The following ROS1 variants were observed in gnomAD, a reference collection of about 807,000 sequenced individuals.
ROS1 encodes proto-oncogene tyrosine-protein kinase ROS.
In ROS1, 263 loss-of-function variants were observed where a neutral mutation model predicts 273.5. The ratio of observed to expected loss-of-function variants is 0.96; its 90% confidence interval spans 0.87 to 1.06. ROS1 has a LOEUF of 1.06. Ranked by LOEUF, ROS1 falls within the 50% of genes least tolerant of loss-of-function variation. The probability of loss-of-function intolerance (pLI) is 0.00; values close to 1 mark genes in which losing one functional copy is unlikely to be tolerated. For synonymous variants in ROS1, 1,008 were observed against 954.1 expected (o/e 1.06, Z -1.04); for missense variants, 2,833 against 2,751.1 (o/e 1.03, Z -0.67).
chr6:117,316,038 ATAAC>A (rs770283162), intron 39 of ROS1, among the ~76,000 whole-genome samples: 2 of 152,168 alleles, frequency 1.3e-5, no homozygotes, highest in Non-Finnish European at 2.9e-5. Context: ...AATAATAATA[ATAAC>A]TAAATAGTTC....
intron 28 of ROS1, among the ~76,000 whole-genome samples, chr6:117,343,432 T>A (rs1185185372): frequency 6.6e-6 from 1 of 152,152 alleles, no homozygotes; most frequent in East Asian, 1.9e-4. Flanking sequence ...ATTCCATCAC[T>A]AAGACAACTG....
At chr6:117,358,392 A>T (rs1779506130) in intron 24 of ROS1, among the ~76,000 whole-genome samples, 1 of 151,922 alleles carries the variant, frequency 6.6e-6, no homozygotes, top group Admixed American at 6.6e-5. Context: ...GATTTCCAAC[A>T]CCACCCAAGG....
At chr6:117,312,807 C>CTT (rs781080305) in intron 39 of ROS1, among the ~76,000 whole-genome samples, 21 of 152,248 alleles carry the variant, frequency 1.4e-4, no homozygotes, top group Non-Finnish European at 2.9e-4. Flanking sequence ...TTGTTAAACC[C>CTT]TTCAGATAGA....
chr6:117,362,221 C>T (rs1417039766), intron 22 of ROS1, among the ~76,000 whole-genome samples: 1 of 152,078 alleles, frequency 6.6e-6, no homozygotes, highest in East Asian at 1.9e-4. Context: ...TGCCTCTCTA[C>T]TTTTGCTGCC....
chr6:117,344,167 T>G lies in ROS1; in HGVS notation c.4399A>C (p.Thr1467Pro), dbSNP rs1778181537. The change falls in exon 28 of 44, where the codon ACA (threonine) becomes CCA (proline). Residue 1467 changes from threonine to proline, a missense_variant. Physicochemically the swap from Thr to Pro is conservative, Grantham distance 38. Transcript: ENST00000368507. ...GTGATGCCATACCATGTGAGGTTTG[T>G]CTTGGCCAGAGGTAATCTGATTGTG... ...SLTIRLPLAK[T>P]NLTWYGITSP... The G allele has an allele frequency of 6.2e-7, 1 of 1,614,044 alleles. No homozygotes were observed. Among genetic ancestry groups the G allele is most frequent in the Non-Finnish European group, 8.5e-7 (1 of 1,179,968 alleles).
intron 31 of ROS1, among the ~76,000 whole-genome samples, chr6:117,339,527 T>C (rs543106247): frequency 6.6e-6 from 1 of 152,274 alleles, no homozygotes; most frequent in East Asian, 1.9e-4. Context: ...GTCCTGTCAT[T>C]GTGAGATAGG....
chr6:117,396,855 A>G, intron 8 of ROS1, 60 bp downstream of exon 8: 1 of 1,207,586 alleles, frequency 8.3e-7, no homozygotes, highest in Non-Finnish European at 1.2e-6. Flanking sequence ...TATTTCTTAA[A>G]TAATTATCAT....
rs769826269 is a variant in ROS1 at position 117,356,593 on chromosome 6, T to C, written c.4126+36A>G. ...AATGCAGTTGAAGGGGCTGCTCTTA[T>C]TAACAAATATCTGTGCACATACATC... On this transcript the variant is annotated intron_variant, in intron 26 of 43. Coordinates refer to ENST00000368507, the MANE Select transcript of ROS1 (RefSeq NM_001378902.1). 3.2e-6 allele frequency: 5 copies of C among 1,574,890 alleles called. No individual in the cohort carries two copies. The East Asian group carries it at 1.1e-4, about 35-fold the overall frequency.
chr6:117,365,842 C>G (rs1197071837), intron 19 of ROS1, 101 bp from the exon 20 acceptor site: 15 of 1,036,164 alleles, frequency 1.4e-5, no homozygotes, highest in Non-Finnish European at 1.8e-5. Context: ...ATAATTAGAA[C>G]TGAAACAAAA....
chr6:117,388,237 G>A (rs970843300), intron 13 of ROS1, among the ~76,000 whole-genome samples: 2 of 152,188 alleles, frequency 1.3e-5, no homozygotes, highest in Non-Finnish European at 1.5e-5. Context: ...CTGTCCTTCA[G>A]TCAAAGCTAT....
chr6:117,357,695 A>G, intron 25 of ROS1, 109 bp downstream of exon 25: 2 of 722,530 alleles, frequency 2.8e-6, no homozygotes, highest in Non-Finnish European at 4.5e-6. Flanking sequence ...AAGAGCCCTA[A>G]GCATCTTATT....
intron 43 of ROS1, among the ~76,000 whole-genome samples, chr6:117,293,109 A>C (rs1418411320): frequency 6.6e-6 from 1 of 152,178 alleles, no homozygotes; most frequent in Non-Finnish European, 1.5e-5. Flanking sequence ...GCTTCTAAGT[A>C]GGTCTCAGCT....
rs2128537287 is a variant in ROS1, at chr6:117,301,131, A to G, written c.6558T>C (p.Asn2186=). 1 of 1,584,848 alleles carries G rather than the reference A, an allele frequency of 6.3e-7. No homozygotes were observed. The highest frequency in any genetic ancestry group is 8.5e-7 in the Non-Finnish European group (1 of 1,170,276). The change falls in exon 43 of 44, where the codon AAT becomes AAC. Residue 2186 remains asparagine (N), a synonymous_variant. Coordinates refer to ENST00000368507, the MANE Select transcript of ROS1 (RefSeq NM_001378902.1). The part of the protein sequence containing the change: ...PPRNCPDDLW[N]LMTQCWAQEP... ...CTTGAGCCCAGCACTGGGTCATTAA[A>G]TTCCACCTAAATATATGGGGAAAGA...
rs532345833 is a variant in ROS1 at position 117,333,869 on chromosome 6, C to A, written c.5230+3303G>T. Among the ~76,000 whole-genome samples the A allele has an allele frequency of 4.6e-5, 7 of 152,242 alleles. No individual in the cohort carries two copies. The East Asian group carries it at 1.3e-3, about 29-fold the overall frequency. On this transcript the variant is annotated intron_variant, in intron 32 of 43. Transcript: ENST00000368507. ...TCTAAATAATAAGAACTATTTATGACAAACCTACAGCCAATATCATATTGA... is the reference window on the plus strand; with the variant it reads ...TCTAAATAATAAGAACTATTTATGAAAAACCTACAGCCAATATCATATTGA...
intron 43 of ROS1, among the ~76,000 whole-genome samples, chr6:117,298,516 G>C (rs546556135): frequency 6.6e-6 from 1 of 152,300 alleles, no homozygotes; most frequent in African/African-American, 2.4e-5. Context: ...CTGCATGATT[G>C]TTCCTCTAAA....
rs75618235 is a variant in ROS1, at chr6:117,390,495, T to G, written c.1290-649A>C. Among the ~76,000 whole-genome samples the G allele has an allele frequency of 3.8e-3, 572 of 152,312 alleles. 15 individuals carry two copies. Among genetic ancestry groups the G allele is most frequent in the East Asian group, 6.4e-3 (33 of 5,188 alleles). On this transcript the variant is annotated intron_variant, in intron 12 of 43. Transcript: ENST00000368507. Reference sequence around the variant, plus strand: ...AAATCACATGGCTAAATATGGTATTTACTATCAAACATTTTCCTCCAAAAA... The same window carrying G: ...AAATCACATGGCTAAATATGGTATTGACTATCAAACATTTTCCTCCAAAAA...
chr6:117,334,289 G>C (rs1173436811), intron 32 of ROS1, among the ~76,000 whole-genome samples: 2 of 152,066 alleles, frequency 1.3e-5, no homozygotes, highest in African/African-American at 4.8e-5. Flanking sequence ...AGCTAACAAG[G>C]GATGTGAAGG....
At chr6:117,333,032 C>G (rs1043658773) in intron 32 of ROS1, among the ~76,000 whole-genome samples, 1 of 149,918 alleles carries the variant, frequency 6.7e-6, no homozygotes, top group African/African-American at 2.5e-5. Context: ...AAAAAGCCCT[C>G]CAAAAAAAAT....
chr6:117,358,098 A>G (rs1177609219), intron 24 of ROS1, 89 bp from the exon 25 acceptor site: 1 of 806,106 alleles, frequency 1.2e-6, no homozygotes, highest in Non-Finnish European at 2.0e-6. Context: ...TCATTTGTTT[A>G]CTGCACTTCT....
Sources: gnomAD v4.1 joint callset for allele counts (sites outside exome capture counted in the v4.1 genomes callset) on GRCh38, gnomAD v4.1.1 for gene constraint, MANE v1.5 for transcripts, NCBI Gene and HGNC (gene_info 2026-07-23, HGNC 2026-07-21) for gene names.